The following MYH11 variants were observed in gnomAD, a reference collection of about 807,000 sequenced individuals.
MYH11 encodes myosin-11.
Under a neutral mutation model 246.6 loss-of-function variants are expected in MYH11, and 80 were observed. The observed-to-expected ratio is 0.32, with a 90% CI of 0.27 to 0.39. MYH11 has a LOEUF of 0.39. MYH11 is among the 10% of genes least tolerant of loss of function. MYH11 has a pLI of 1.00. For synonymous variants in MYH11, 1,071 were observed against 1,015.5 expected (o/e 1.05, Z -1.04); for missense variants, 2,158 against 2,546.8 (o/e 0.85, Z 3.29).
intron 19 of MYH11, among the ~76,000 whole-genome samples, chr16:15,746,326 G>A (rs550827059): frequency 3.9e-5 from 6 of 152,210 alleles, no homozygotes; most frequent in Admixed American, 2.0e-4. Flanking sequence ...ATTGAGAAAC[G>A]ATAGAACAGT....
At chr16:15,765,010 T>C (rs1187804038) in intron 9 of MYH11, among the ~76,000 whole-genome samples, 1 of 152,240 alleles carries the variant, frequency 6.6e-6, no homozygotes, top group African/African-American at 2.4e-5. Context: ...TTTCTATGTC[T>C]GAAATCCCCA....
intron 19 of MYH11, among the ~76,000 whole-genome samples, chr16:15,746,471 C>T (rs998829679): frequency 6.6e-6 from 1 of 152,062 alleles, no homozygotes; most frequent in Non-Finnish European, 1.5e-5. Context: ...AGGTCTGTTG[C>T]GGGAGGGCCA....
chr16:15,718,645 GA>G (rs2040300504), intron 36 of MYH11: 1 of 692,512 alleles, frequency 1.4e-6, no homozygotes, highest in African/African-American at 1.8e-5. Context: ...GCAAAGCTGG[GA>G]TTGGGATGGG....
At chr16:15,754,953 G>T (rs1263568923) in intron 14 of MYH11, among the ~76,000 whole-genome samples, 1 of 152,200 alleles carries the variant, frequency 6.6e-6, no homozygotes, top group Non-Finnish European at 1.5e-5. Context: ...TGGGGTTACA[G>T]GCGTGAGCCA....
At chr16:15,847,264 T>C (rs77637725) in intron 1 of MYH11, among the ~76,000 whole-genome samples, 1 of 146,220 alleles carries the variant, frequency 6.8e-6, no homozygotes, top group Non-Finnish European at 1.5e-5. Flanking sequence ...TTTTTTTTTT[T>C]TTCTGAGACA....
intron 3 of MYH11, among the ~76,000 whole-genome samples, chr16:15,799,054 C>T (rs956212446): frequency 1.3e-5 from 2 of 152,220 alleles, no homozygotes; most frequent in Admixed American, 1.3e-4. Flanking sequence ...AGCCACTTCT[C>T]CGCTCTGTGG....
At chr16:15,737,175 T>A (rs543356729) in intron 25 of MYH11, among the ~76,000 whole-genome samples, 3 of 152,160 alleles carry the variant, frequency 2.0e-5, no homozygotes, top group East Asian at 3.9e-4. Flanking sequence ...GAGAAAAGCC[T>A]GGATGTCGAA....
intron 7 of MYH11, among the ~76,000 whole-genome samples, chr16:15,776,596 C>T (rs1567751909): frequency 6.6e-6 from 1 of 152,152 alleles, no homozygotes; most frequent in Non-Finnish European, 1.5e-5. Context: ...TGAAGCCTCA[C>T]AAAGTATGCT....
intron 3 of MYH11, among the ~76,000 whole-genome samples, chr16:15,812,195 T>C (rs1322586323): frequency 6.6e-6 from 1 of 152,224 alleles, no homozygotes; most frequent in Non-Finnish European, 1.5e-5. Flanking sequence ...AATCCAAGTG[T>C]ATATTTGGCT....
At chr16:15,829,055 A>G (rs2043655397) in intron 2 of MYH11, among the ~76,000 whole-genome samples, 1 of 151,712 alleles carries the variant, frequency 6.6e-6, no homozygotes, top group African/African-American at 2.4e-5. Flanking sequence ...GTGGTGGCGC[A>G]TGCCTGTAAT....
rs942159161 is a variant in MYH11, at chr16:15,806,757, A to G, written c.503-8070T>C. On this transcript the variant is annotated intron_variant, in intron 3 of 40. Coordinates refer to ENST00000300036, the MANE Select transcript of MYH11 (RefSeq NM_002474.3). ...TTTTCAATGCTTTTCCCCTGAACCA[A>G]TGAGCTCCTGAAGGTACAAGGAACA... Among the ~76,000 whole-genome samples the G allele has an allele frequency of 3.8e-5, 4 of 105,868 alleles. No homozygotes were observed. In the South Asian group the frequency reaches 7.2e-4, roughly 19 times the overall value. 69.5% of individuals were successfully genotyped at this position (105,868 alleles called of 152,430 possible). A position where few individuals can be genotyped will look rare whatever the true frequency, so the allele number is the denominator to read the frequency against.
At chr16:15,777,690 C>T (rs1007378434) in intron 7 of MYH11, among the ~76,000 whole-genome samples, 1 of 152,100 alleles carries the variant, frequency 6.6e-6, no homozygotes, top group African/African-American at 2.4e-5. Flanking sequence ...AAAGTAGAAA[C>T]GTAGAAAACA....
rs552643944 is a variant in MYH11, at chr16:15,852,893, A to T, written c.-18+4048T>A. Among the ~76,000 whole-genome samples, 20 of 152,248 alleles carry T rather than the reference A, an allele frequency of 1.3e-4. No individual in the cohort carries two copies. In the East Asian group the frequency reaches 2.9e-3, roughly 22 times the overall value. ...AGGATTAGAATCCCGATCTGTTTGA[A>T]GCCTAATTTACTCAGAGATGGCATT... On this transcript the variant is annotated intron_variant, in intron 1 of 40. Coordinates refer to ENST00000300036, the MANE Select transcript of MYH11 (RefSeq NM_002474.3).
At position 15,788,796 on chromosome 16, in the gene MYH11, ATATGTGTGTGTG is replaced by A. The variant is rs944510201; in HGVS notation, c.531-2076_531-2065del. On this transcript the variant is annotated intron_variant, in intron 4 of 40. Transcript: ENST00000300036. ...CAGAAGGGGAAACTAAGACCAGAAT[ATATGTGTGTGTG>A]TGTGTGTGTGTGTGTGTGTGTGTGT... 1.1e-3 allele frequency among the ~76,000 whole-genome samples: 109 copies of A among 94,944 alleles called. 1 individual carries two copies. The East Asian group carries it at 0.02, about 18-fold the overall frequency. The allele number at this position is 94,944 out of a possible 152,430, so 62.3% of individuals were successfully genotyped here.
intron 17 of MYH11, 36 bp from the exon 18 acceptor site, chr16:15,747,979 C>T (rs992695557): frequency 1.2e-6 from 2 of 1,614,062 alleles, no homozygotes; most frequent in African/African-American, 2.7e-5. Context: ...CCGGGTACCT[C>T]CAGCATCCAT....
intron 5 of MYH11, chr16:15,784,633 T>C: frequency 6.3e-7 from 1 of 1,577,930 alleles, no homozygotes. Context: ...TGCAAGAGGA[T>C]CATGCAGATC....
chr16:15,743,879 A>G (rs2041345170), intron 20 of MYH11, among the ~76,000 whole-genome samples: 1 of 152,198 alleles, frequency 6.6e-6, no homozygotes, highest in Non-Finnish European at 1.5e-5. Context: ...AGTCTATTGC[A>G]ACAGAGCATG....
intron 9 of MYH11, among the ~76,000 whole-genome samples, chr16:15,764,449 C>A (rs2041937069): frequency 6.6e-6 from 1 of 151,960 alleles, no homozygotes; most frequent in East Asian, 1.9e-4. Context: ...CTTGATACAG[C>A]CTGGGCAATG....
At position 15,747,641 on chromosome 16, in the gene MYH11, C is replaced by T. The variant is rs746358645; in HGVS notation, c.2340G>A (p.Glu780=). The change falls in exon 19 of 41, where the codon GAG becomes GAA. Residue 780 remains glutamate (E), a synonymous_variant. Coordinates refer to ENST00000300036, the MANE Select transcript of MYH11 (RefSeq NM_002474.3). Reference sequence around the variant, plus strand: ...CATCGGTGATCTTCAAATCTCGCTCCTCCTCTAGGTGGGCCAGGACGCCAG... The same window carrying T: ...CATCGGTGATCTTCAAATCTCGCTCTTCCTCTAGGTGGGCCAGGACGCCAG... ...FRTGVLAHLE[E]ERDLKITDVI... 1.2e-5 allele frequency: 19 copies of T among 1,613,978 alleles called. No homozygotes were observed. The highest frequency in any genetic ancestry group is 1.5e-5 in the Non-Finnish European group (18 of 1,180,032).
Sources: gnomAD v4.1 joint callset for allele counts (sites outside exome capture counted in the v4.1 genomes callset) on GRCh38, gnomAD v4.1.1 for gene constraint, MANE v1.5 for transcripts, NCBI Gene and HGNC (gene_info 2026-07-23, HGNC 2026-07-21) for gene names.